The following TANC2 variants were observed in gnomAD, a reference collection of about 807,000 sequenced individuals.
The protein encoded by TANC2 is tetratricopeptide repeat, ankyrin repeat and coiled-coil containing 2.
A neutral mutation model predicts 210.5 loss-of-function variants in TANC2; 26 were observed. That is an observed-to-expected ratio of 0.12 (90% CI 0.09 to 0.17). TANC2 has a LOEUF of 0.17. TANC2 is among the 10% of genes least tolerant of loss of function. The pLI is 1.00. For missense variants in TANC2, 2,129 were observed against 2,608.9 expected (o/e 0.82, Z 4.01); for synonymous variants, 931 against 967.1 (o/e 0.96, Z 0.69).
intron 4 of TANC2, among the ~76,000 whole-genome samples, chr17:63,128,156 CAAT>C (rs2038781229): frequency 1.3e-5 from 2 of 151,972 alleles, no homozygotes; most frequent in African/African-American, 4.8e-5. Context: ...AACTCAATAT[CAAT>C]AAAAGTAAGG....
intron 2 of TANC2, among the ~76,000 whole-genome samples, chr17:63,047,578 CTTTGAG>C (rs1469587009): frequency 1.6e-4 from 24 of 152,016 alleles, no homozygotes; most frequent in African/African-American, 5.3e-4. Context: ...TGTTTCGATA[CTTTGAG>C]TTTGAGGTAT....
intron 2 of TANC2, among the ~76,000 whole-genome samples, chr17:63,055,990 A>AAAAAAAAAAT (rs2035784593): frequency 9.9e-5 from 1 of 10,102 alleles, no homozygotes; most frequent in African/African-American, 2.5e-4. Flanking sequence ...AAAAAAAAAA[A>AAAAAAAAAAT]ATATATATAT....
At chr17:63,333,031 C>T (rs2045911980) in intron 11 of TANC2, among the ~76,000 whole-genome samples, 1 of 152,196 alleles carries the variant, frequency 6.6e-6, no homozygotes, top group Non-Finnish European at 1.5e-5. Flanking sequence ...CACCTAAGAG[C>T]TCTGATGGTG....
At chr17:63,049,690 A>C (rs2035508833) in intron 2 of TANC2, among the ~76,000 whole-genome samples, 1 of 152,108 alleles carries the variant, frequency 6.6e-6, no homozygotes, top group East Asian at 1.9e-4. Context: ...TTTTGAGGAG[A>C]AGAGTTTAAT....
intron 2 of TANC2, among the ~76,000 whole-genome samples, chr17:63,049,393 T>TA (rs1448818182): frequency 6.6e-6 from 1 of 152,108 alleles, no homozygotes; most frequent in Non-Finnish European, 1.5e-5. Flanking sequence ...GGTACCATTT[T>TA]AGAGTGATGA....
intron 1 of TANC2, among the ~76,000 whole-genome samples, chr17:62,982,223 A>T (rs1004940457): frequency 6.6e-6 from 1 of 152,208 alleles, no homozygotes; most frequent in Non-Finnish European, 1.5e-5. Flanking sequence ...TCATCTTGTT[A>T]GCATAAATAA....
chr17:63,396,208 G>A (rs1312304865), intron 18 of TANC2: 1 of 355,268 alleles, frequency 2.8e-6, no homozygotes, highest in Admixed American at 4.4e-5. Flanking sequence ...GTGGCACCAA[G>A]GCTCAAAGAG....
intron 7 of TANC2, among the ~76,000 whole-genome samples, chr17:63,207,039 T>C (rs1363413238): frequency 6.6e-6 from 1 of 152,022 alleles, no homozygotes; most frequent in Non-Finnish European, 1.5e-5. Context: ...TCTCTTCCCA[T>C]TTCTCTATTC....
At chr17:63,177,286 CAA>C (rs1012775469) in intron 5 of TANC2, among the ~76,000 whole-genome samples, 17 of 129,582 alleles carry the variant, frequency 1.3e-4, no homozygotes, top group Non-Finnish European at 2.5e-4. Flanking sequence ...AAAAAAAACA[CAA>C]AATTTATTGA....
chr17:63,176,543 C>T (rs960858175), intron 5 of TANC2, among the ~76,000 whole-genome samples: 20 of 152,130 alleles, frequency 1.3e-4, no homozygotes, highest in African/African-American at 4.6e-4. Flanking sequence ...CGGTGGCTTA[C>T]GCCTGTAATC....
At chr17:63,191,996 TC>T (rs2041202229) in intron 5 of TANC2, among the ~76,000 whole-genome samples, 1 of 152,100 alleles carries the variant, frequency 6.6e-6, no homozygotes, top group African/African-American at 2.4e-5. Context: ...CGCAATTAGG[TC>T]CCTGTCTGTT....
Position 63,207,888 on chromosome 17 carries a change from T to G in TANC2, c.769+6931T>G, listed in dbSNP as rs1246441770. 2.0e-5 allele frequency among the ~76,000 whole-genome samples: 3 copies of G among 152,226 alleles called. 1 individual carries two copies. The highest frequency in any genetic ancestry group is 7.2e-5 in the African/African-American group (3 of 41,462). On this transcript the variant is annotated intron_variant, in intron 7 of 27. Coordinates refer to ENST00000689528, the Ensembl canonical transcript of TANC2. ...CCATTTGCTATAGATCTTTCCCATG[T>G]TTGATATTGTCAGGCTTCATTTTGC...
chr17:63,369,554 T>G (rs1288137164), intron 14 of TANC2, among the ~76,000 whole-genome samples: 1 of 102,036 alleles, frequency 9.8e-6, no homozygotes, highest in Admixed American at 8.6e-5. Context: ...TAATTTCAGC[T>G]TTTTTTTTTT....
chr17:63,421,228 A>G lies in TANC2; in HGVS notation c.5498A>G (p.His1833Arg). 6.2e-7 allele frequency: 1 copy of G among 1,614,036 alleles called. No homozygotes were observed. Residue 1833 changes from histidine (H) to arginine (R), a missense_variant, in exon 28 of 28, where the codon CAT becomes CGT. Transcript: ENST00000689528. This position sits in a 1 kb window ranked among gnomAD's most constrained non-coding sequence, Gnocchi z 6.9. ...CAACTAGGTTCCCCTGATGTGTCGC[A>G]TTTAATCAGAAGACCTATCAGTGTC...
chr17:63,373,288 C>G (rs1404074770), intron 14 of TANC2, among the ~76,000 whole-genome samples: 1 of 152,150 alleles, frequency 6.6e-6, no homozygotes, highest in Non-Finnish European at 1.5e-5. Flanking sequence ...TACCTTATTT[C>G]TTACCTACTC....
chr17:63,284,091 C>T (rs933296427), intron 9 of TANC2, among the ~76,000 whole-genome samples: 1 of 151,902 alleles, frequency 6.6e-6, no homozygotes, highest in Non-Finnish European at 1.5e-5. Flanking sequence ...TCAATATGTT[C>T]TCCATAGATG....
chr17:63,179,449 G>A (rs1389505670), intron 5 of TANC2, among the ~76,000 whole-genome samples: 2 of 152,158 alleles, frequency 1.3e-5, no homozygotes, highest in Non-Finnish European at 2.9e-5. Flanking sequence ...AAGAAATGTC[G>A]TGAAGATTAA....
intron 8 of TANC2, among the ~76,000 whole-genome samples, chr17:63,240,716 C>T (rs2447442): frequency 0.59 from 90,096 of 152,014 alleles, 28,986 homozygotes; most frequent in African/African-American, 0.84. Flanking sequence ...AACTAACCAC[C>T]AGACAGTAAT....
chr17:63,099,662 C>T lies in TANC2; in HGVS notation c.322+305C>T, dbSNP rs192281236. Among the ~76,000 whole-genome samples, 17 of 152,258 alleles carry T rather than the reference C, an allele frequency of 1.1e-4. No homozygotes were observed. The East Asian group carries it at 3.3e-3, about 29-fold the overall frequency. On this transcript the variant is annotated intron_variant, in intron 4 of 27. Coordinates refer to ENST00000689528, the Ensembl canonical transcript of TANC2. Reference sequence around the variant, plus strand: ...ACACTGTTGTTCTGATTTCATTTATCAGCTTGTTCATGTCAGGTTAACAGA... The same window carrying T: ...ACACTGTTGTTCTGATTTCATTTATTAGCTTGTTCATGTCAGGTTAACAGA...
Sources: gnomAD v4.1 joint callset for allele counts (sites outside exome capture counted in the v4.1 genomes callset) on GRCh38, gnomAD v4.1.1 for gene constraint, Gnocchi (gnomAD v3.1) non-coding constraint, MANE v1.5 for transcripts, NCBI Gene and HGNC (gene_info 2026-07-23, HGNC 2026-07-21) for gene names.